The following CDH18 variants were observed in gnomAD, a reference collection of about 807,000 sequenced individuals.
The protein encoded by CDH18 is cadherin-18.
CDH18 carries 31 observed loss-of-function variants against 67.9 expected under a neutral mutation model. The observed-to-expected ratio is 0.46, with a 90% CI of 0.34 to 0.62. CDH18 has a LOEUF of 0.62. Among genes scored for constraint, CDH18 ranks in the 20% least tolerant of loss-of-function variants. CDH18 has a pLI of 0.01. For missense variants in CDH18, 890 were observed against 975.5 expected (o/e 0.91, Z 1.17); for synonymous variants, 362 against 347.2 (o/e 1.04, Z -0.48).
chr5:19,624,285 G>A (rs992864516), intron 5 of CDH18, among the ~76,000 whole-genome samples: 1 of 152,028 alleles, frequency 6.6e-6, no homozygotes, highest in East Asian at 1.9e-4. Flanking sequence ...GGGATTACAG[G>A]TGTGAGCCAC....
chr5:20,482,879 C>G (rs1445505670), intron 1 of CDH18, among the ~76,000 whole-genome samples: 1 of 151,980 alleles, frequency 6.6e-6, no homozygotes, highest in Non-Finnish European at 1.5e-5. Flanking sequence ...CAAGGATGCC[C>G]ATTTTCACCA....
intron 2 of CDH18, among the ~76,000 whole-genome samples, chr5:19,997,865 G>T (rs1454906169): frequency 6.6e-6 from 1 of 152,146 alleles, no homozygotes; most frequent in Non-Finnish European, 1.5e-5. Context: ...AGTAGGTAGA[G>T]AAAGTTTCCT....
At chr5:20,200,491 T>C (rs1293721453) in intron 2 of CDH18, among the ~76,000 whole-genome samples, 1 of 151,966 alleles carries the variant, frequency 6.6e-6, no homozygotes, top group Non-Finnish European at 1.5e-5. Flanking sequence ...CTTGGAAACA[T>C]AGTGAAAACT....
intron 2 of CDH18, among the ~76,000 whole-genome samples, chr5:19,939,442 T>C (rs1220797177): frequency 6.6e-6 from 1 of 151,758 alleles, no homozygotes; most frequent in African/African-American, 2.4e-5. Flanking sequence ...AAAATGTCTA[T>C]TTTTGAAATT....
At position 19,901,940 on chromosome 5, in the gene CDH18, C is replaced by A. The variant is rs1284916021; in HGVS notation, c.-256-62698G>T. Among the ~76,000 whole-genome samples the A allele has an allele frequency of 2.0e-5, 3 of 152,024 alleles. No homozygotes were observed. In the East Asian group the frequency reaches 5.8e-4, roughly 29 times the overall value. On this transcript the variant is annotated intron_variant, in intron 2 of 12. Coordinates refer to ENST00000382275, the MANE Select transcript of CDH18 (RefSeq NM_004934.5). ...GAAATAATACTAAGTTCCTTTGTCT[C>A]TGAAAACATCATGATACTCTAAATA... is the stretch of plus-strand genomic sequence containing the variant.
intron 8 of CDH18, among the ~76,000 whole-genome samples, chr5:19,569,161 A>G (rs1239476685): frequency 6.6e-6 from 1 of 152,170 alleles, no homozygotes; most frequent in African/African-American, 2.4e-5. Context: ...GATTAATTTC[A>G]AAGACCTTAC....
chr5:19,675,894 G>A lies in CDH18; in HGVS notation c.643+45453C>T, dbSNP rs146601406. Among the ~76,000 whole-genome samples the A allele has an allele frequency of 5.0e-3, 764 of 151,806 alleles. 3 individuals carry two copies. The highest frequency in any genetic ancestry group is 0.018 in the African/African-American group (732 of 41,428). ...GTATTAATTTGGGGAACTAATAAAC[G>A]TCCATGAAATCTTCACAATTTATGT... On this transcript the variant is annotated intron_variant, in intron 5 of 12. Transcript: ENST00000382275.
intron 1 of CDH18, among the ~76,000 whole-genome samples, chr5:20,514,513 T>C (rs1002121100): frequency 2.0e-5 from 3 of 152,130 alleles, no homozygotes; most frequent in African/African-American, 7.2e-5. Flanking sequence ...GTTCAGACTT[T>C]TGTTTTGATG....
Position 19,520,749 on chromosome 5 carries a change from C to T in CDH18, c.1420G>A (p.Val474Met), listed in dbSNP as rs1561256521. ...DNPDLLSHVT[V>M]GIRVLDVNDN... is the part of the protein sequence containing the mutation. ...TTGACATCCAGAACTCTAATACCCA[C>T]TGTGACATGGCTCAGCAAATCAGGA... The change falls in exon 10 of 13, where the codon GTG (valine) becomes ATG (methionine). Residue 474 changes from valine to methionine, a missense_variant. By Grantham distance (21) the Val-to-Met change is conservative. Around this residue, in one of 2 missense-constraint regions of CDH18, gnomAD observed 656 missense variants for 668.1 expected, o/e 0.98. Transcript: ENST00000382275. 1 of 1,613,346 alleles carries T rather than the reference C, an allele frequency of 6.2e-7. No individual in the cohort carries two copies. The highest frequency in any genetic ancestry group is 1.1e-5 in the South Asian group (1 of 91,014).
intron 5 of CDH18, among the ~76,000 whole-genome samples, chr5:19,638,258 G>A (rs1753450767): frequency 6.6e-6 from 1 of 152,182 alleles, no homozygotes; most frequent in African/African-American, 2.4e-5. Flanking sequence ...TTACGACAGT[G>A]AGACTATAAC....
chr5:20,009,446 T>A (rs1188143875), intron 2 of CDH18, among the ~76,000 whole-genome samples: 1 of 152,162 alleles, frequency 6.6e-6, no homozygotes, highest in Admixed American at 6.6e-5. Flanking sequence ...TCTGGATTTA[T>A]CTTAATTTTG....
intron 2 of CDH18, among the ~76,000 whole-genome samples, chr5:19,876,000 A>T (rs1490148730): frequency 1.3e-5 from 2 of 152,092 alleles, no homozygotes; most frequent in Non-Finnish European, 2.9e-5. Context: ...TAATTAAGGC[A>T]ACAATAGGCT....
chr5:20,317,762 GTCTAAATT>G (rs1737610395), intron 1 of CDH18, among the ~76,000 whole-genome samples: 1 of 152,110 alleles, frequency 6.6e-6, no homozygotes, highest in African/African-American at 2.4e-5. Context: ...ATGTGACATG[GTCTAAATT>G]TTGCAGTTGA....
At position 20,131,820 on chromosome 5, in the gene CDH18, T is replaced by G. The variant is rs951661923; in HGVS notation, c.-518+123624A>C. Among the ~76,000 whole-genome samples, 4 of 152,296 alleles carry G rather than the reference T, an allele frequency of 2.6e-5. No homozygotes were observed. In the South Asian group the frequency reaches 8.3e-4, roughly 32 times the overall value. On this transcript the variant is annotated intron_variant, in intron 2 of 14. Transcript: ENST00000507958. ...TTTTTCAAAACTTGGGTCTATTACT[T>G]TACACTTTATTCTGTTCTAATGATC...
intron 1 of CDH18, among the ~76,000 whole-genome samples, chr5:20,274,572 T>C (rs1745667465): frequency 6.6e-6 from 1 of 152,150 alleles, no homozygotes; most frequent in Non-Finnish European, 1.5e-5. Context: ...TGTCAATAAT[T>C]ATCAAGTTAT....
At chr5:20,326,533 TTTAC>T (rs1340338513) in intron 1 of CDH18, among the ~76,000 whole-genome samples, 2 of 151,218 alleles carry the variant, frequency 1.3e-5, no homozygotes, top group African/African-American at 2.4e-5. Flanking sequence ...ATTAAACATA[TTTAC>T]TTTTTTTTTT....
intron 2 of CDH18, among the ~76,000 whole-genome samples, chr5:19,872,138 T>C (rs191129367): frequency 8.4e-4 from 128 of 152,292 alleles, no homozygotes; most frequent in Non-Finnish European, 1.5e-3. Flanking sequence ...CAAATGAAGA[T>C]AAAAGACTAT....
intron 11 of CDH18, among the ~76,000 whole-genome samples, chr5:19,501,206 CAT>C (rs894961814): frequency 4.1e-5 from 6 of 147,420 alleles, no homozygotes; most frequent in East Asian, 2.0e-4. Flanking sequence ...CATATATAAA[CAT>C]ATATATAATT....
chr5:20,388,447 A>C (rs1454845990), intron 1 of CDH18, among the ~76,000 whole-genome samples: 1 of 151,154 alleles, frequency 6.6e-6, no homozygotes, highest in African/African-American at 2.4e-5. Flanking sequence ...CGTCTGTTTG[A>C]TGCTTCCCTC....
Sources: gnomAD v4.1 joint callset for allele counts (sites outside exome capture counted in the v4.1 genomes callset) on GRCh38, gnomAD v4.1.1 for gene constraint, gnomAD v4.1.1 regional missense constraint, MANE v1.5 for transcripts, NCBI Gene and HGNC (gene_info 2026-07-23, HGNC 2026-07-21) for gene names.